Variants in WWOX observed in about 807,000 individuals in gnomAD.
WWOX encodes WW domain containing oxidoreductase, also known as WW domain-containing oxidoreductase.
WWOX carries 69 observed loss-of-function variants against 46.2 expected under a neutral mutation model. That is an observed-to-expected ratio of 1.49 (90% CI 1.23 to 1.82). The LOEUF (loss-of-function observed/expected upper bound fraction) is 1.82, where lower values mean the gene tolerates loss of function less well. Among genes scored for constraint, WWOX ranks in the 40% most tolerant of loss-of-function variants. WWOX has a pLI of 0.00. For synonymous variants in WWOX, 359 were observed against 202.6 expected (o/e 1.77, Z -6.56); for missense variants, 919 against 542.6 (o/e 1.69, Z -6.89).
intron 8 of WWOX, among the ~76,000 whole-genome samples, chr16:79,160,435 A>G (rs966454685): frequency 6.6e-6 from 1 of 152,164 alleles, no homozygotes; most frequent in Non-Finnish European, 1.5e-5. Flanking sequence ...TGATCTCATC[A>G]TCTGTAAAAC....
intron 8 of WWOX, among the ~76,000 whole-genome samples, chr16:79,036,276 A>G (rs138875802): frequency 0.014 from 2,155 of 152,284 alleles, 21 homozygotes; most frequent in South Asian, 0.031. Flanking sequence ...CCTGACTCCC[A>G]CCAGATAATG....
intron 5 of WWOX, among the ~76,000 whole-genome samples, chr16:78,175,106 C>A (rs1476390727): frequency 6.6e-6 from 1 of 152,020 alleles, no homozygotes; most frequent in Non-Finnish European, 1.5e-5. Flanking sequence ...CCGTAGAGGG[C>A]AGAAAGGTGC....
intron 8 of WWOX, among the ~76,000 whole-genome samples, chr16:79,049,965 A>T (rs1706824091): frequency 6.6e-6 from 1 of 152,162 alleles, no homozygotes; most frequent in African/African-American, 2.4e-5. Flanking sequence ...GCAAGAAAAA[A>T]ACATGTCATG....
chr16:78,385,217 A>G (rs145406726), intron 5 of WWOX, among the ~76,000 whole-genome samples: 11 of 151,864 alleles, frequency 7.2e-5, no homozygotes, highest in East Asian at 1.9e-4. Context: ...TCCTTCCCTC[A>G]GTAATCTGGT....
At chr16:78,778,770 G>A (rs546825406) in intron 8 of WWOX, among the ~76,000 whole-genome samples, 25 of 152,230 alleles carry the variant, frequency 1.6e-4, no homozygotes, top group Admixed American at 7.2e-4. Context: ...GCACACCGCC[G>A]TCCCCAACCC....
At chr16:79,207,659 C>T (rs186830373) in intron 8 of WWOX, among the ~76,000 whole-genome samples, 30 of 152,154 alleles carry the variant, frequency 2.0e-4, no homozygotes, top group Non-Finnish European at 3.2e-4. Flanking sequence ...CAGGAATCTC[C>T]TCTTTCTTTT....
chr16:78,921,490 A>T (rs1036606488), intron 8 of WWOX, among the ~76,000 whole-genome samples: 2 of 152,180 alleles, frequency 1.3e-5, no homozygotes, highest in African/African-American at 4.8e-5. Context: ...TGAAAAAGAG[A>T]TTGCCATTTT....
At chr16:78,135,117 C>T (rs1238043912) in intron 4 of WWOX, among the ~76,000 whole-genome samples, 1 of 152,178 alleles carries the variant, frequency 6.6e-6, no homozygotes, top group Non-Finnish European at 1.5e-5. Context: ...TGGGGCCTTG[C>T]TGAGAAATAG....
At chr16:79,124,176 T>G (rs2049700507) in intron 8 of WWOX, among the ~76,000 whole-genome samples, 1 of 152,150 alleles carries the variant, frequency 6.6e-6, no homozygotes, top group Non-Finnish European at 1.5e-5. Context: ...CTGTTGTCAA[T>G]TCTGCCCGTT....
At chr16:78,801,826 T>C (rs1313689295) in intron 8 of WWOX, among the ~76,000 whole-genome samples, 3 of 152,344 alleles carry the variant, frequency 2.0e-5, no homozygotes, top group East Asian at 3.9e-4. Context: ...GTGTAAGATA[T>C]ACAATTTAAA....
At chr16:78,830,607 C>T (rs1337004415) in intron 8 of WWOX, among the ~76,000 whole-genome samples, 2 of 151,994 alleles carry the variant, frequency 1.3e-5, no homozygotes, top group African/African-American at 4.8e-5. Flanking sequence ...ATTAAGCCTT[C>T]AGACAATCGA....
At chr16:78,800,396 T>C (rs368551927) in intron 8 of WWOX, among the ~76,000 whole-genome samples, 1 of 152,292 alleles carries the variant, frequency 6.6e-6, no homozygotes, top group East Asian at 1.9e-4. Context: ...GCTGTCGTTA[T>C]ATAATATCTG....
chr16:78,844,290 G>C (rs541750450), intron 8 of WWOX, among the ~76,000 whole-genome samples: 1 of 152,266 alleles, frequency 6.6e-6, no homozygotes, highest in South Asian at 2.1e-4. Flanking sequence ...GACAGCCTAA[G>C]TGATATTTAT....
intron 8 of WWOX, among the ~76,000 whole-genome samples, chr16:78,563,016 T>A (rs557798657): frequency 3.5e-4 from 53 of 152,216 alleles, no homozygotes; most frequent in South Asian, 1.9e-3. Flanking sequence ...CCCCCTATCT[T>A]TCTTTCTTTG....
chr16:78,515,659 C>A (rs2043219725), intron 8 of WWOX, among the ~76,000 whole-genome samples: 1 of 152,188 alleles, frequency 6.6e-6, no homozygotes, highest in African/African-American at 2.4e-5. Flanking sequence ...TTCTTGCCGG[C>A]CTCTCCTCGC....
intron 8 of WWOX, among the ~76,000 whole-genome samples, chr16:78,981,243 GC>G (rs1239033440): frequency 6.6e-6 from 1 of 152,026 alleles, no homozygotes; most frequent in African/African-American, 2.4e-5. Flanking sequence ...TCCCAACTCT[GC>G]CCTCTTATTA....
intron 8 of WWOX, chr16:78,996,406 A>C: frequency 1.2e-6 from 1 of 858,646 alleles, no homozygotes; most frequent in Non-Finnish European, 1.4e-6. Context: ...CCACCTGTAA[A>C]ATGATTTGCT....
intron 8 of WWOX, among the ~76,000 whole-genome samples, chr16:78,449,710 T>C (rs1002187076): frequency 1.3e-5 from 2 of 152,210 alleles, no homozygotes; most frequent in Non-Finnish European, 2.9e-5. Flanking sequence ...GATTTAGTCA[T>C]TTAATAAGAA....
chr16:78,930,482 G>T (rs1267454644), intron 8 of WWOX, among the ~76,000 whole-genome samples: 70 of 146,554 alleles, frequency 4.8e-4, no homozygotes, highest in African/African-American at 1.7e-3. Context: ...GTAGAGACGG[G>T]GTTTCACCAT....
Sources: gnomAD v4.1 joint callset for allele counts (sites outside exome capture counted in the v4.1 genomes callset) on GRCh38, gnomAD v4.1.1 for gene constraint, MANE v1.5 for transcripts, NCBI Gene and HGNC (gene_info 2026-07-23, HGNC 2026-07-21) for gene names.